The following PCDHGA3 variants were observed in gnomAD, a reference collection of about 807,000 sequenced individuals.
PCDHGA3 encodes the protein protocadherin gamma subfamily A, 3.
A neutral mutation model predicts 58.5 loss-of-function variants in PCDHGA3; 40 were observed. That is an observed-to-expected ratio of 0.68 (90% CI 0.53 to 0.89). PCDHGA3 has a LOEUF of 0.89. PCDHGA3 is among the 40% of genes least tolerant of loss of function. The probability of loss-of-function intolerance (pLI) is 0.00; values close to 1 mark genes in which losing one functional copy is unlikely to be tolerated. For missense variants in PCDHGA3, 1,223 were observed against 1,195.9 expected (o/e 1.02, Z -0.33); for synonymous variants, 530 against 525.7 (o/e 1.01, Z -0.11).
chr5:141,473,756 A>G (rs2099328139), intron 1 of PCDHGA3, among the ~76,000 whole-genome samples: 1 of 152,228 alleles, frequency 6.6e-6, no homozygotes, highest in African/African-American at 2.4e-5. Context: ...CTTGGATACT[A>G]TGCAAAGGAT....
rs115035052 is a variant in PCDHGA3 at position 141,382,317 on chromosome 5, G to A, written c.2424+35860G>A. ...TTAATTAAAATTTATATACACTGAT[G>A]TAAATATTTTCTAAGTAAAATCTTT... On this transcript the variant is annotated intron_variant, in intron 1 of 3. Coordinates refer to ENST00000253812, the MANE Select transcript of PCDHGA3 (RefSeq NM_018916.4). Among the ~76,000 whole-genome samples the A allele has an allele frequency of 4.6e-3, 694 of 152,278 alleles. 4 individuals are homozygous for A. The highest frequency in any genetic ancestry group is 0.015 in the African/African-American group (631 of 41,554).
In PCDHGA3 at chr5:141,382,880, G is replaced by C. The variant is rs959397097; in HGVS notation, c.2424+36423G>C. The C allele has an allele frequency of 5.2e-6, 8 of 1,526,962 alleles. No homozygotes were observed. The African/African-American group carries it at 5.6e-5, about 11-fold the overall frequency. The allele number at this position is 1,526,962 out of a possible 1,614,324, so 94.6% of individuals were successfully genotyped here. ...AGCACTTCCCGAGATCGGCGCCTAA[G>C]CAAGAGAAGCAGGACGACTATGGCG... On this transcript the variant is annotated intron_variant, in intron 1 of 3. Transcript: ENST00000253812.
intron 1 of PCDHGA3, chr5:141,423,123 A>G: frequency 1.2e-6 from 2 of 1,613,766 alleles, no homozygotes; most frequent in Non-Finnish European, 1.7e-6. Flanking sequence ...CAGCGCGGGC[A>G]CTGCTGGACA....
chr5:141,413,533 C>T (rs777022301), intron 1 of PCDHGA3: 1 of 1,613,934 alleles, frequency 6.2e-7, no homozygotes, highest in Admixed American at 1.7e-5. Context: ...CAGGGTGAAA[C>T]TTTTTGGGAT....
intron 1 of PCDHGA3, chr5:141,374,427 A>C: frequency 6.2e-7 from 1 of 1,613,980 alleles, no homozygotes; most frequent in Non-Finnish European, 8.5e-7. Flanking sequence ...GATAAACTGA[A>C]TCTTTATCCC....
chr5:141,408,307 C>T, intron 1 of PCDHGA3: 1 of 1,613,820 alleles, frequency 6.2e-7, no homozygotes, highest in East Asian at 2.2e-5. Flanking sequence ...CGATCCGCTA[C>T]TCGATTCCGG....
intron 3 of PCDHGA3, among the ~76,000 whole-genome samples, chr5:141,509,801 T>C (rs556629445): frequency 2.6e-5 from 4 of 152,140 alleles, no homozygotes; most frequent in South Asian, 2.1e-4. Flanking sequence ...CTCAGCTTCA[T>C]AGAGCCGAGC....
intron 1 of PCDHGA3, among the ~76,000 whole-genome samples, chr5:141,368,452 C>T (rs75043959): frequency 0.049 from 7,512 of 151,972 alleles, 218 homozygotes; most frequent in Admixed American, 0.079. Flanking sequence ...ACAAACTCAC[C>T]GAATAGTGAA....
At chr5:141,364,102 A>G in intron 1 of PCDHGA3, 1 of 409,744 alleles carries the variant, frequency 2.4e-6, no homozygotes, top group Non-Finnish European at 4.3e-6. Context: ...TGATGCAGTC[A>G]CTGGTTAGGA....
intron 1 of PCDHGA3, chr5:141,360,579 A>G (rs761569852): frequency 6.2e-7 from 1 of 1,614,014 alleles, no homozygotes; most frequent in Non-Finnish European, 8.5e-7. Flanking sequence ...CCACTAAGCC[A>G]GGTACAACAT....
At chr5:141,461,603 G>A (rs1413122199) in intron 1 of PCDHGA3, among the ~76,000 whole-genome samples, 8 of 152,092 alleles carry the variant, frequency 5.3e-5, no homozygotes, top group African/African-American at 1.9e-4. Context: ...TTATAATTTA[G>A]TTCAAAGTAT....
At chr5:141,393,569 T>C (rs1227543853) in intron 1 of PCDHGA3, 1 of 1,613,918 alleles carries the variant, frequency 6.2e-7, no homozygotes, top group South Asian at 1.1e-5. Context: ...TGAAAGTCCT[T>C]GAGAACATGC....
At chr5:141,488,519 G>C (rs1210943979) in intron 1 of PCDHGA3, among the ~76,000 whole-genome samples, 1 of 152,184 alleles carries the variant, frequency 6.6e-6, no homozygotes, top group Non-Finnish European at 1.5e-5. Flanking sequence ...GGGGTCTGGG[G>C]TGTCAGAAAA....
At position 141,382,776 on chromosome 5, in the gene PCDHGA3, A is replaced by T. The variant is rs572614689; in HGVS notation, c.2424+36319A>T. 1.1e-5 allele frequency: 9 copies of T among 809,964 alleles called. No homozygotes were observed. In the South Asian group the frequency reaches 1.8e-4, roughly 17 times the overall value. The allele number at this position is 809,964 out of a possible 1,614,324, so 50.2% of individuals were successfully genotyped here. A position where few individuals can be genotyped will look rare whatever the true frequency, so the allele number is the denominator to read the frequency against. On this transcript the variant is annotated intron_variant, in intron 1 of 3. Coordinates refer to ENST00000253812, the MANE Select transcript of PCDHGA3 (RefSeq NM_018916.4). Reference sequence around the variant, plus strand: ...TAAGCCCTCTTCCAGGCTGCACTAAACTCAAGCCTCTATCCTGCTGGATTC... The same window carrying T: ...TAAGCCCTCTTCCAGGCTGCACTAATCTCAAGCCTCTATCCTGCTGGATTC...
At chr5:141,455,537 A>G (rs1158681837) in intron 1 of PCDHGA3, among the ~76,000 whole-genome samples, 2 of 152,162 alleles carry the variant, frequency 1.3e-5, no homozygotes, top group Non-Finnish European at 2.9e-5. Flanking sequence ...CAGGCATATC[A>G]TTCACGTAGC....
chr5:141,385,582 G>C, intron 1 of PCDHGA3: 1 of 1,273,856 alleles, frequency 7.9e-7, no homozygotes, highest in Non-Finnish European at 9.9e-7. Context: ...TCCAATCTAT[G>C]TTCCAACCTA....
rs766916840 is a variant in PCDHGA3 at position 141,344,984 on chromosome 5, T to G, written c.951T>G (p.Ile317Met). The G allele has an allele frequency of 7.4e-6, 12 of 1,613,932 alleles. No individual in the cohort carries two copies. The highest frequency in any genetic ancestry group is 1.0e-5 in the Non-Finnish European group (12 of 1,179,834). ...ATGAGGATGCCATGTTCTATGAAATTAAAATTGAAGCACAGGATGGACCAG... is the reference window on the plus strand; with the variant it reads ...ATGAGGATGCCATGTTCTATGAAATGAAAATTGAAGCACAGGATGGACCAG... Reference protein sequence around the residue: ...LDYEDAMFYEIKIEAQDGPGL... With the variant: ...LDYEDAMFYEMKIEAQDGPGL... Residue 317 changes from isoleucine (I) to methionine (M), a missense_variant, in exon 1 of 4, where the codon ATT becomes ATG. Ile to Met is a conservative substitution (Grantham distance 10, BLOSUM62 1). Transcript: ENST00000253812.
rs370286425 is a variant in PCDHGA3, at chr5:141,431,234, G to A, written c.2425-63573G>A. On this transcript the variant is annotated intron_variant, in intron 1 of 3. Coordinates refer to ENST00000253812, the MANE Select transcript of PCDHGA3 (RefSeq NM_018916.4). This position sits in a 1 kb window ranked among gnomAD's most constrained non-coding sequence, Gnocchi z 4.8. ...GCGGTTCCCTCTACCCCACGCCTGGGATCCGGATATCGGGAAGAACTCTCT... is the reference window on the plus strand; with the variant it reads ...GCGGTTCCCTCTACCCCACGCCTGGAATCCGGATATCGGGAAGAACTCTCT... 13 of 1,614,052 alleles carry A rather than the reference G, an allele frequency of 8.1e-6. No individual in the cohort carries two copies. The highest frequency in any genetic ancestry group is 2.7e-5 in the African/African-American group (2 of 74,940).
chr5:141,399,561 G>A, intron 1 of PCDHGA3: 2 of 1,614,042 alleles, frequency 1.2e-6, no homozygotes, highest in Non-Finnish European at 1.7e-6. Flanking sequence ...TGGACTTGGG[G>A]TTGAACGGCC....
Sources: allele counts gnomAD v4.1 joint callset (sites outside exome capture counted in the v4.1 genomes callset), GRCh38; gene constraint gnomAD v4.1.1; non-coding constraint Gnocchi (gnomAD v3.1); transcripts MANE v1.5; gene names NCBI Gene and HGNC (gene_info 2026-07-23, HGNC 2026-07-21).